The following FOXP1 variants were observed in gnomAD, a reference collection of about 807,000 sequenced individuals.
The protein encoded by FOXP1 is forkhead box protein P1.
A neutral mutation model predicts 98.2 loss-of-function variants in FOXP1; 15 were observed. The ratio of observed to expected loss-of-function variants is 0.15; its 90% CI spans 0.10 to 0.24. The LOEUF (loss-of-function observed/expected upper bound fraction) is 0.24, where lower values mean the gene tolerates loss of function less well. FOXP1 is among the 10% of genes least tolerant of loss of function. FOXP1 has a pLI of 1.00. For synonymous variants in FOXP1, 371 were observed against 314.5 expected, an observed-to-expected ratio of 1.18 and a Z score of -1.90; for missense variants, 633 against 848.5, an observed-to-expected ratio of 0.75 and a Z score of 3.15.
intron 7 of FOXP1, among the ~76,000 whole-genome samples, chr3:71,109,005 T>G (rs984713240): frequency 7.2e-5 from 11 of 152,220 alleles, no homozygotes; most frequent in African/African-American, 1.2e-4. Flanking sequence ...AATTTTCATT[T>G]GTATCATTCA....
rs1464262316 is a variant in FOXP1 at position 71,112,523 on chromosome 3, A to G, written c.282+13T>C. The G allele has an allele frequency of 1.3e-6, 2 of 1,598,104 alleles. No individual in the cohort carries two copies. The highest frequency in any genetic ancestry group is 2.7e-5 in the African/African-American group (2 of 74,602). ...GGGTATAATGTCAATTTAAAAAGAAAAAGAATTGTTACCTGAAGAGCTGGT... is the reference window on the plus strand; with the variant it reads ...GGGTATAATGTCAATTTAAAAAGAAGAAGAATTGTTACCTGAAGAGCTGGT... On this transcript the variant is annotated intron_variant, in intron 7 of 20. Coordinates refer to ENST00000649528, the MANE Select transcript of FOXP1 (RefSeq NM_001349338.3).
intron 5 of FOXP1, among the ~76,000 whole-genome samples, chr3:71,283,274 C>T (rs1023603407): frequency 6.6e-5 from 10 of 152,152 alleles, no homozygotes; most frequent in African/African-American, 2.2e-4. Context: ...TCCCAGTGCC[C>T]CCAGTGTACT....
intron 3 of FOXP1, among the ~76,000 whole-genome samples, chr3:71,422,905 T>A (rs2083778316): frequency 6.6e-6 from 1 of 152,032 alleles, no homozygotes; most frequent in Non-Finnish European, 1.5e-5. Context: ...CCTTCTTTCA[T>A]ATGGAGAAAA....
intron 4 of FOXP1, among the ~76,000 whole-genome samples, chr3:71,307,140 A>G (rs1240819444): frequency 2.0e-5 from 3 of 152,196 alleles, no homozygotes; most frequent in Middle Eastern, 3.2e-3. Flanking sequence ...CTAATGCCCT[A>G]CAGAACTCTG....
chr3:71,156,061 C>T (rs2060807779), intron 6 of FOXP1, among the ~76,000 whole-genome samples: 1 of 152,158 alleles, frequency 6.6e-6, no homozygotes, highest in African/African-American at 2.4e-5. Flanking sequence ...GCAATCTCTC[C>T]TGCAGGGAGG....
At chr3:71,486,667 T>A (rs535182368) in intron 3 of FOXP1, among the ~76,000 whole-genome samples, 8 of 152,358 alleles carry the variant, frequency 5.3e-5, no homozygotes, top group African/African-American at 1.9e-4. Flanking sequence ...ATGTACTAAT[T>A]GCTTACTTTT....
chr3:71,179,361 G>A (rs2062149219), intron 6 of FOXP1, among the ~76,000 whole-genome samples: 1 of 151,990 alleles, frequency 6.6e-6, no homozygotes, highest in Non-Finnish European at 1.5e-5. Flanking sequence ...ACCTGCCTCG[G>A]CCTCTCAAAG....
At chr3:71,519,778 G>T (rs375159948) in intron 2 of FOXP1, among the ~76,000 whole-genome samples, 3 of 152,232 alleles carry the variant, frequency 2.0e-5, no homozygotes, top group South Asian at 4.1e-4. Context: ...ACAAACTGTT[G>T]TCTGCTTGCT....
rs752480209 is a variant in FOXP1 at position 71,542,087 on chromosome 3, A to T, written c.-298+39462T>A. On this transcript the variant is annotated intron_variant, in intron 2 of 20. Coordinates refer to ENST00000649528, the MANE Select transcript of FOXP1 (RefSeq NM_001349338.3). Reference sequence around the variant, plus strand: ...AACATTAAACTGGCTTATATATCAAAATCATGAGGTTTAAGCAGAAATGCA... The same window carrying T: ...AACATTAAACTGGCTTATATATCAATATCATGAGGTTTAAGCAGAAATGCA... The T allele has an allele frequency of 7.7e-6, 4 of 520,174 alleles. No homozygotes were observed. In the East Asian group the frequency reaches 2.2e-4, roughly 28 times the overall value. 32.2% of individuals were successfully genotyped at this position (520,174 alleles called of 1,614,324 possible).
intron 2 of FOXP1, among the ~76,000 whole-genome samples, chr3:71,567,692 G>T (rs948335680): frequency 6.6e-6 from 1 of 152,112 alleles, no homozygotes; most frequent in African/African-American, 2.4e-5. Context: ...GATGGGGCTC[G>T]ATTAGCTTGC....
At chr3:71,304,632 A>G (rs948866802) in intron 4 of FOXP1, 2 of 152,230 alleles carry the variant, frequency 1.3e-5, no homozygotes, top group African/African-American at 4.8e-5. Context: ...GCCTCAAAAA[A>G]AAGTATTTTT....
chr3:71,508,578 C>A (rs1162301742), intron 2 of FOXP1, among the ~76,000 whole-genome samples: 2 of 152,140 alleles, frequency 1.3e-5, no homozygotes, highest in Non-Finnish European at 2.9e-5. Context: ...ATCCTGAGGG[C>A]TCTGTAATAT....
chr3:70,957,389 A>G lies in FOXP1; in HGVS notation c.*1858T>C, dbSNP rs1372786605. ...GAGCAGTTCTCTTTCTCAGGTTGCAATAGCCTATCGCTTGTCATTTGCCTC... is the reference window on the plus strand; with the variant it reads ...GAGCAGTTCTCTTTCTCAGGTTGCAGTAGCCTATCGCTTGTCATTTGCCTC... On this transcript the variant is annotated 3_prime_UTR_variant, in exon 21 of 21. Coordinates refer to ENST00000649528, the MANE Select transcript of FOXP1 (RefSeq NM_001349338.3). The G allele has an allele frequency of 4.4e-6, 1 of 229,492 alleles. No individual in the cohort carries two copies. Among genetic ancestry groups the G allele is most frequent in the Non-Finnish European group, 8.6e-6 (1 of 115,628 alleles). The allele number at this position is 229,492 out of a possible 1,614,324, so 14.2% of individuals were successfully genotyped here.
Position 71,165,157 on chromosome 3 carries a change from G to T in FOXP1, c.180+33045C>A, listed in dbSNP as rs752813174. ...ACACTTTCTCTTTCCTGAAAGGGAT[G>T]GAAAGGAAATAAAACACACCCTGAA... On this transcript the variant is annotated intron_variant, in intron 6 of 20. Coordinates refer to ENST00000649528, the MANE Select transcript of FOXP1 (RefSeq NM_001349338.3). Among the ~76,000 whole-genome samples the T allele has an allele frequency of 1.2e-4, 18 of 150,506 alleles. 1 individual carries two copies. The highest frequency in any genetic ancestry group is 2.0e-4 in the Admixed American group (3 of 15,056).
intron 19 of FOXP1, among the ~76,000 whole-genome samples, chr3:70,966,628 C>T (rs17008088): frequency 0.018 from 2,674 of 152,182 alleles, 31 homozygotes; most frequent in Middle Eastern, 0.034. Context: ...CTGTTTAGTG[C>T]AGTTTGAGAT....
At chr3:71,167,363 A>G (rs1156450474) in intron 6 of FOXP1, among the ~76,000 whole-genome samples, 2 of 152,258 alleles carry the variant, frequency 1.3e-5, no homozygotes, top group East Asian at 3.8e-4. Flanking sequence ...TCCTCAAGGA[A>G]GAAGCAACAT....
At chr3:71,238,887 C>T (rs891446630) in intron 5 of FOXP1, among the ~76,000 whole-genome samples, 4 of 152,290 alleles carry the variant, frequency 2.6e-5, no homozygotes, top group African/African-American at 7.2e-5. Context: ...AATAGCTTTA[C>T]ACTTTAGAGA....
intron 7 of FOXP1, among the ~76,000 whole-genome samples, chr3:71,057,525 G>A: frequency 6.7e-6 from 1 of 148,372 alleles, no homozygotes; most frequent in Non-Finnish European, 1.5e-5. Context: ...TGAGTATATA[G>A]AAATGAGTAT....
intron 11 of FOXP1, among the ~76,000 whole-genome samples, chr3:71,030,550 AG>A (rs1242448636): frequency 6.6e-6 from 1 of 152,226 alleles, no homozygotes; most frequent in Non-Finnish European, 1.5e-5. Flanking sequence ...CAGCTCCCTG[AG>A]GACAGGCTGT....
Sources: allele counts gnomAD v4.1 joint callset (sites outside exome capture counted in the v4.1 genomes callset), GRCh38; gene constraint gnomAD v4.1.1; transcripts MANE v1.5; gene names NCBI Gene and HGNC (gene_info 2026-07-23, HGNC 2026-07-21).